The following ARID1B variants were observed in gnomAD, a reference collection of about 807,000 sequenced individuals.
ARID1B encodes the protein AT-rich interaction domain 1B.
A neutral mutation model predicts 212.3 loss-of-function variants in ARID1B; 30 were observed. The observed-to-expected ratio is 0.14, with a 90% CI of 0.11 to 0.19. The LOEUF is 0.19. Ranked by LOEUF, ARID1B falls within the 10% of genes least tolerant of loss-of-function variation. The pLI, the probability that ARID1B is intolerant of heterozygous loss-of-function variation, is 1.00. For synonymous variants in ARID1B, 1,402 were observed against 1,301.7 expected, an observed-to-expected ratio of 1.08 and a Z score of -1.66; for missense variants, 2,891 against 3,204.0, an observed-to-expected ratio of 0.90 and a Z score of 2.36.
chr6:157,161,429 G>GTATATATATATATATATATATATATA (rs1228344142), intron 8 of ARID1B, among the ~76,000 whole-genome samples: 1 of 134,030 alleles, frequency 7.5e-6, no homozygotes, highest in African/African-American at 3.0e-5. Flanking sequence ...GATTGTGTGT[G>GTATATATATATATATATATATATATA]TGTATATATA....
At chr6:157,140,413 T>G (rs1789262219) in intron 7 of ARID1B, among the ~76,000 whole-genome samples, 1 of 151,166 alleles carries the variant, frequency 6.6e-6, no homozygotes, top group African/African-American at 2.4e-5. Context: ...GAGGTTGCAG[T>G]GAGCCGAGAT....
intron 4 of ARID1B, among the ~76,000 whole-genome samples, chr6:156,964,585 C>T (rs1363436896): frequency 6.6e-6 from 1 of 152,000 alleles, no homozygotes; most frequent in Middle Eastern, 3.2e-3. Flanking sequence ...TACTCAAGGC[C>T]ATAGAATGTT....
In ARID1B at chr6:156,893,024, C is replaced by CT. The variant is rs890377448; in HGVS notation, c.1987-8343dup. ...AGAGCTTAAACAAAGCTATAAAACT[C>CT]TTTTTTTTTCTTTTTTCTTCCTTTT... On this transcript the variant is annotated intron_variant, in intron 2 of 19. Transcript: ENST00000636930. 1.6e-4 allele frequency among the ~76,000 whole-genome samples: 20 copies of CT among 126,118 alleles called. 1 individual carries two copies. Among genetic ancestry groups the CT allele is most frequent in the African/African-American group, 2.6e-4 (8 of 30,368 alleles). The allele number at this position is 126,118 out of a possible 152,430, so 82.7% of individuals were successfully genotyped here.
chr6:156,897,240 C>CTTCTTT (rs1562468408), intron 2 of ARID1B, among the ~76,000 whole-genome samples: 3 of 101,120 alleles, frequency 3.0e-5, no homozygotes, highest in African/African-American at 1.1e-4. Flanking sequence ...TCTTCTTCTT[C>CTTCTTT]TTCTTCTTCT....
chr6:157,082,567 T>C (rs1416182225), intron 4 of ARID1B, among the ~76,000 whole-genome samples: 1 of 152,212 alleles, frequency 6.6e-6, no homozygotes, highest in East Asian at 1.9e-4. Context: ...TGGAACTGCA[T>C]CTCACCGTGT....
intron 3 of ARID1B, among the ~76,000 whole-genome samples, chr6:156,908,633 T>C (rs867110436): frequency 2.0e-5 from 3 of 152,176 alleles, no homozygotes; most frequent in Non-Finnish European, 4.4e-5. Flanking sequence ...TGAAGCTAAA[T>C]ATGAGACTAA....
intron 1 of ARID1B, among the ~76,000 whole-genome samples, chr6:156,812,198 C>G (rs1290883415): frequency 6.6e-6 from 1 of 152,206 alleles, no homozygotes; most frequent in Non-Finnish European, 1.5e-5. Context: ...GTGGCATGAT[C>G]ACAGCTCATT....
intron 4 of ARID1B, 145 bp downstream of exon 4, chr6:156,935,721 G>T (rs1206746663): frequency 6.9e-6 from 5 of 719,512 alleles, no homozygotes; most frequent in Non-Finnish European, 1.1e-5. Flanking sequence ...ATTTTTCAAG[G>T]TTTACCTTTT....
Position 157,200,387 on chromosome 6 carries a change from C to A in ARID1B, c.4480-318C>A, listed in dbSNP as rs556147987. Reference sequence around the variant, plus strand: ...TGTGGTCCTAGTGCAGCTCCCAGCCCGGGAGCCGTCTGCCTGTGTGGGAGT... The same window carrying A: ...TGTGGTCCTAGTGCAGCTCCCAGCCAGGGAGCCGTCTGCCTGTGTGGGAGT... On this transcript the variant is annotated intron_variant, in intron 17 of 19. Coordinates refer to ENST00000636930, the MANE Select transcript of ARID1B (RefSeq NM_001374828.1). This position sits in a 1 kb window ranked among gnomAD's most constrained non-coding sequence, Gnocchi z 4.3. Among the ~76,000 whole-genome samples the A allele has an allele frequency of 5.9e-5, 9 of 152,014 alleles. No individual in the cohort carries two copies. The highest frequency in any genetic ancestry group is 2.2e-4 in the African/African-American group (9 of 41,476).
At chr6:157,183,701 G>A (rs563447223) in intron 12 of ARID1B, among the ~76,000 whole-genome samples, 18 of 152,302 alleles carry the variant, frequency 1.2e-4, no homozygotes, top group African/African-American at 3.8e-4. Context: ...GTGGCCAGTG[G>A]CATCGCATCA....
At chr6:156,979,435 T>C (rs899004221) in intron 4 of ARID1B, among the ~76,000 whole-genome samples, 6 of 152,244 alleles carry the variant, frequency 3.9e-5, no homozygotes, top group Admixed American at 3.9e-4. Context: ...ATGCTGTTTA[T>C]ATTCCTTGCT....
At chr6:156,966,023 C>T (rs1034846123) in intron 4 of ARID1B, among the ~76,000 whole-genome samples, 1 of 152,184 alleles carries the variant, frequency 6.6e-6, no homozygotes, top group African/African-American at 2.4e-5. Flanking sequence ...GGCCTCATCA[C>T]AGGGACCACA....
intron 3 of ARID1B, among the ~76,000 whole-genome samples, chr6:156,919,767 G>A (rs1170622834): frequency 6.6e-6 from 1 of 152,186 alleles, no homozygotes; most frequent in African/African-American, 2.4e-5. Flanking sequence ...GGAGTTCAAG[G>A]CTGCAGTGAG....
Position 156,963,757 on chromosome 6 carries a change from A to T in ARID1B, c.2247+28181A>T, listed in dbSNP as rs1794557591. On this transcript the variant is annotated intron_variant, in intron 4 of 19. Transcript: ENST00000636930. ...CAAAACAAACTTCTCCTCTCAGTAT[A>T]TTTATTTGAAATTCTTCTTGTTTAC... 3.3e-5 allele frequency among the ~76,000 whole-genome samples: 5 copies of T among 152,124 alleles called. No individual in the cohort carries two copies. The South Asian group carries it at 1.0e-3, about 32-fold the overall frequency.
Position 156,857,740 on chromosome 6 carries a change from A to G in ARID1B, c.1986+28319A>G, listed in dbSNP as rs557168079. Reference sequence around the variant, plus strand: ...CTTAACAACAGAGATATGTTCCGAGAAATGTGTCATCAGACAGTGTAGTCA... The same window carrying G: ...CTTAACAACAGAGATATGTTCCGAGGAATGTGTCATCAGACAGTGTAGTCA... On this transcript the variant is annotated intron_variant, in intron 2 of 19. Transcript: ENST00000636930. Among the ~76,000 whole-genome samples the G allele has an allele frequency of 5.3e-4, 80 of 152,334 alleles. 1 individual carries two copies. Among genetic ancestry groups the G allele is most frequent in the African/African-American group, 1.8e-3 (75 of 41,576 alleles).
chr6:157,105,611 A>C (rs764075529), intron 5 of ARID1B, among the ~76,000 whole-genome samples: 5 of 151,814 alleles, frequency 3.3e-5, no homozygotes, highest in Non-Finnish European at 5.9e-5. Context: ...TTTATTTTTA[A>C]TTTTTTTTGA....
chr6:156,978,205 C>G (rs1412266912), intron 4 of ARID1B, among the ~76,000 whole-genome samples: 1 of 152,200 alleles, frequency 6.6e-6, no homozygotes, highest in African/African-American at 2.4e-5. Context: ...ATTCCCAGCT[C>G]CATTTCCAGA....
chr6:156,921,635 C>T (rs565582749), intron 3 of ARID1B, among the ~76,000 whole-genome samples: 1 of 152,162 alleles, frequency 6.6e-6, no homozygotes, highest in East Asian at 1.9e-4. Context: ...TATTGTTTTT[C>T]TGAAAGTCTG....
intron 3 of ARID1B, among the ~76,000 whole-genome samples, chr6:156,933,860 C>T (rs1399004571): frequency 1.3e-5 from 2 of 152,018 alleles, no homozygotes; most frequent in Admixed American, 6.6e-5. Context: ...TATTTCAGAG[C>T]GTGTTGAAAA....
Sources: allele counts gnomAD v4.1 joint callset (sites outside exome capture counted in the v4.1 genomes callset), GRCh38; gene constraint gnomAD v4.1.1; non-coding constraint Gnocchi (gnomAD v3.1); transcripts MANE v1.5; gene names NCBI Gene and HGNC (gene_info 2026-07-23, HGNC 2026-07-21).